ZNF416: variants seen among roughly 807,000 people sequenced by gnomAD.
The protein encoded by ZNF416 is zinc finger protein 416.
Under a neutral mutation model 10.9 loss-of-function variants are expected in ZNF416, and 5 were observed. The ratio of observed to expected loss-of-function variants is 0.46; its 90% CI spans 0.24 to 0.97. The LOEUF (loss-of-function observed/expected upper bound fraction) is 0.97. ZNF416 is among the 50% of genes least tolerant of loss of function. ZNF416 has a pLI of 0.19. For synonymous variants in ZNF416, 267 were observed against 251.8 expected (o/e 1.06, Z -0.57); for missense variants, 675 against 715.0 (o/e 0.94, Z 0.64).
chr19:57,575,966 T>G lies in ZNF416; in HGVS notation c.76-36A>C. The G allele has an allele frequency of 6.2e-7, 1 of 1,604,492 alleles. No homozygotes were observed. The highest frequency in any genetic ancestry group is 8.5e-7 in the Non-Finnish European group (1 of 1,174,540). Reference sequence around the variant, plus strand: ...GGGGATAGATCTTTCCATGATCAGATTCTCTCCTAGGACCCCAAGTTCATG... The same window carrying G: ...GGGGATAGATCTTTCCATGATCAGAGTCTCTCCTAGGACCCCAAGTTCATG... On this transcript the variant is annotated intron_variant, in intron 2 of 3. Transcript: ENST00000196489. This position sits in a 1 kb window ranked among gnomAD's most constrained non-coding sequence, Gnocchi z 4.4.
Position 57,575,716 on chromosome 19 carries a change from A to G in ZNF416, c.202+88T>C. On this transcript the variant is annotated intron_variant, in intron 3 of 3. Transcript: ENST00000196489. The surrounding 1 kb of genome is among the most constrained non-coding windows in gnomAD (Gnocchi z 4.4). Reference sequence around the variant, plus strand: ...CATACGCCAAGACAGTGGGGAAGTCAGCAAAGCCCACGGTCCGGCAGAGCT... The same window carrying G: ...CATACGCCAAGACAGTGGGGAAGTCGGCAAAGCCCACGGTCCGGCAGAGCT... 1.3e-6 allele frequency: 2 copies of G among 1,575,394 alleles called. No individual in the cohort carries two copies. The highest frequency in any genetic ancestry group is 1.7e-6 in the Non-Finnish European group (2 of 1,145,662).
chr19:57,578,632 GC>G, intron 1 of ZNF416, 39 bp downstream of exon 1: 1 of 1,518,600 alleles, frequency 6.6e-7, no homozygotes, highest in Non-Finnish European at 8.8e-7. Context: ...TGGATTTCCG[GC>G]GGAGAGGGCA....
In ZNF416 at chr19:57,575,751, G is replaced by C. The variant is rs1271303544; in HGVS notation, c.202+53C>G. On this transcript the variant is annotated intron_variant, in intron 3 of 3. Transcript: ENST00000196489. This position sits in a 1 kb window ranked among gnomAD's most constrained non-coding sequence, Gnocchi z 4.4. Reference sequence around the variant, plus strand: ...ACGGTCCGGCAGAGCTGCCTCTGAGGAAAAAGAGGATAGACGAAGACCAGG... The same window carrying C: ...ACGGTCCGGCAGAGCTGCCTCTGAGCAAAAAGAGGATAGACGAAGACCAGG... The C allele has an allele frequency of 6.2e-7, 1 of 1,612,520 alleles. No individual in the cohort carries two copies. The highest frequency in any genetic ancestry group is 1.3e-5 in the African/African-American group (1 of 74,882).
rs892757613 is a variant in ZNF416, at chr19:57,575,466, C to G, written c.202+338G>C. Among the ~76,000 whole-genome samples the G allele has an allele frequency of 6.6e-6, 1 of 152,104 alleles. No individual in the cohort carries two copies. Among genetic ancestry groups the G allele is most frequent in the Admixed American group, 6.5e-5 (1 of 15,276 alleles). On this transcript the variant is annotated intron_variant, in intron 3 of 3. Transcript: ENST00000196489. The surrounding 1 kb of genome is among the most constrained non-coding windows in gnomAD (Gnocchi z 4.4). ...ACTGATGAGGAAAATTCTGCAAATT[C>G]CTAACACAGGTAGTCAAAGGAAATG... is the stretch of plus-strand genomic sequence containing the variant.
rs769665166 is a variant in ZNF416, at chr19:57,572,618, T to C, written c.1286A>G (p.Gln429Arg). ...GGGCCTAGCTCCACTGTGAATTAAC[T>C]GGTGCTGAATGAGGCCACACTTTAG... is the stretch of plus-strand genomic sequence containing the variant. ...FSLKCGLIQH[Q>R]LIHSGARPFE... is the part of the protein sequence containing the mutation. Residue 429 changes from glutamine (Q) to arginine (R), a missense_variant, in exon 4 of 4, where the codon CAG becomes CGG. Physicochemically the swap from Gln to Arg is conservative, Grantham distance 43. Transcript: ENST00000196489. This position sits in a 1 kb window ranked among gnomAD's most constrained non-coding sequence, Gnocchi z 4.5. The C allele has an allele frequency of 3.1e-6, 5 of 1,614,188 alleles. No homozygotes were observed. The highest frequency in any genetic ancestry group is 4.2e-6 in the Non-Finnish European group (5 of 1,180,042).
rs1385618086 is a variant in ZNF416, at chr19:57,572,815, A to G, written c.1089T>C (p.Phe363=). The G allele has an allele frequency of 6.2e-7, 1 of 1,614,102 alleles. No homozygotes were observed. The highest frequency in any genetic ancestry group is 2.2e-5 in the East Asian group (1 of 44,878). Residue 363 remains phenylalanine, a synonymous_variant, in exon 4 of 4, where the codon TTT becomes TTC. Coordinates refer to ENST00000196489, the MANE Select transcript of ZNF416 (RefSeq NM_017879.3). This position sits in a 1 kb window ranked among gnomAD's most constrained non-coding sequence, Gnocchi z 4.5. ...GTCGAACAAGAGTGGATTTGGACCC[A>G]AAGGCTTTTCCACATTCATCACACT... ...PYECDECGKA[F]GSKSTLVRHQ...
Position 57,578,787 on chromosome 19 carries a change from C to G in ZNF416, c.-83G>C, listed in dbSNP as rs1978651826. The G allele has an allele frequency of 7.5e-7, 1 of 1,328,274 alleles. No homozygotes were observed. 82.3% of individuals were successfully genotyped at this position (1,328,274 alleles called of 1,614,324 possible). A position where few individuals can be genotyped will look rare whatever the true frequency, so the allele number is the denominator to read the frequency against. ...CACGGCTGCCACCAGCGCCAGCGAC[C>G]CACCGGCTGATGCGCAGCGGGGCGA... On this transcript the variant is annotated 5_prime_UTR_variant, in exon 1 of 4. Transcript: ENST00000196489.
At chr19:57,577,477 G>C (rs1407578885) in intron 2 of ZNF416, among the ~76,000 whole-genome samples, 2 of 152,000 alleles carry the variant, frequency 1.3e-5, no homozygotes, top group African/African-American at 2.4e-5. Flanking sequence ...TAAAAAAACT[G>C]ATCTAAAATC....
rs545727805 is a variant in ZNF416, at chr19:57,572,641, T to C, written c.1263A>G (p.Leu421=). ...ACTGGTGCTGAATGAGGCCACACTT[T>C]AGGCTAAATGATTTCCCACACTGGC... ...ECGQCGKSFS[L]KCGLIQHQLI... is the part of the protein sequence containing the mutation. Residue 421 remains leucine (L), a synonymous_variant, in exon 4 of 4, where the codon CTA becomes CTG. Coordinates refer to ENST00000196489, the MANE Select transcript of ZNF416 (RefSeq NM_017879.3). The surrounding 1 kb of genome is among the most constrained non-coding windows in gnomAD (Gnocchi z 4.5). 1.7e-5 allele frequency: 27 copies of C among 1,614,108 alleles called. No individual in the cohort carries two copies. The highest frequency in any genetic ancestry group is 2.2e-5 in the Non-Finnish European group (26 of 1,180,060).
rs369565795 is a variant in ZNF416, at chr19:57,578,719, A to C, written c.-15T>G. On this transcript the variant is annotated 5_prime_UTR_variant, in exon 1 of 4. Transcript: ENST00000196489. The stretch of plus-strand genomic sequence containing the variant: ...GCCGCCGCCATCGGATTGTGAGCGG[A>C]GCGGGGCCGGGAGCGGCGGGCGACC... The C allele has an allele frequency of 1.2e-3, 1,839 of 1,500,928 alleles. 4 individuals carry two copies. Among genetic ancestry groups the C allele is most frequent in the Non-Finnish European group, 1.3e-3 (1,422 of 1,121,798 alleles). The allele number at this position is 1,500,928 out of a possible 1,614,324, so 93.0% of individuals were successfully genotyped here.
rs529866915 is a variant in ZNF416, at chr19:57,578,862, G to A, written c.-158C>T. On this transcript the variant is annotated 5_prime_UTR_variant, in exon 1 of 4. Coordinates refer to ENST00000196489, the MANE Select transcript of ZNF416 (RefSeq NM_017879.3). ...GTTTCTAACTCAGGCGGCGTGGGCC[G>A]AGGTAGAGAACCACCAAAATTACCA... 3 of 670,114 alleles carry A rather than the reference G, an allele frequency of 4.5e-6. No individual in the cohort carries two copies. Among genetic ancestry groups the A allele is most frequent in the Non-Finnish European group, 4.5e-6 (2 of 445,408 alleles). 41.5% of individuals were successfully genotyped at this position (670,114 alleles called of 1,614,324 possible). A position where few individuals can be genotyped will look rare whatever the true frequency, so the allele number is the denominator to read the frequency against.
chr19:57,572,609 T>A lies in ZNF416; in HGVS notation c.1295A>T (p.His432Leu). 2 of 1,614,166 alleles carry A rather than the reference T, an allele frequency of 1.2e-6. No homozygotes were observed. Among genetic ancestry groups the A allele is most frequent in the Non-Finnish European group, 1.7e-6 (2 of 1,180,024 alleles). The part of the protein sequence containing the change: ...KCGLIQHQLI[H>L]SGARPFECDE... Reference sequence around the variant, plus strand: ...ACACTCAAAGGGCCTAGCTCCACTGTGAATTAACTGGTGCTGAATGAGGCC... The same window carrying A: ...ACACTCAAAGGGCCTAGCTCCACTGAGAATTAACTGGTGCTGAATGAGGCC... Residue 432 changes from histidine to leucine, a missense_variant, in exon 4 of 4, where the codon CAC (histidine) becomes CTC (leucine). Coordinates refer to ENST00000196489, the MANE Select transcript of ZNF416 (RefSeq NM_017879.3). The surrounding 1 kb of genome is among the most constrained non-coding windows in gnomAD (Gnocchi z 4.5).
Position 57,578,747 on chromosome 19 carries a change from G to A in ZNF416, c.-43C>T, listed in dbSNP as rs377531535. On this transcript the variant is annotated 5_prime_UTR_variant, in exon 1 of 4. Coordinates refer to ENST00000196489, the MANE Select transcript of ZNF416 (RefSeq NM_017879.3). ...GGGGCCGGGAGCGGCGGGCGACCCG[G>A]GGCGGGAACCCAGGCACGGCTGCCA... The A allele has an allele frequency of 8.5e-4, 1,218 of 1,439,894 alleles. 2 individuals are homozygous for A. The highest frequency in any genetic ancestry group is 1.1e-3 in the Non-Finnish European group (1,177 of 1,090,874). 89.2% of individuals were successfully genotyped at this position (1,439,894 alleles called of 1,614,324 possible).
Position 57,573,529 on chromosome 19 carries a change from C to G in ZNF416, c.375G>C (p.Gln125His). The change falls in exon 4 of 4, where the codon CAG (glutamine) becomes CAC (histidine). Residue 125 changes from glutamine (Q) to histidine (H), a missense_variant. Physicochemically the swap from Gln to His is conservative, Grantham distance 24 (BLOSUM62 0). Transcript: ENST00000196489. ...CACATGCCCCAGTCAAGTATAGTTC[C>G]TGCCCAGGCAAATCGGTCAGGTGCA... ...DILHLTDLPG[Q>H]ELYLTGACAV... 2 of 1,614,232 alleles carry G rather than the reference C, an allele frequency of 1.2e-6. No individual in the cohort carries two copies. Among genetic ancestry groups the G allele is most frequent in the Non-Finnish European group, 1.7e-6 (2 of 1,180,042 alleles).
In ZNF416 at chr19:57,578,092, C is replaced by T; in HGVS notation, c.40G>A (p.Val14Met). 1.2e-6 allele frequency: 2 copies of T among 1,614,216 alleles called. No individual in the cohort carries two copies. Among genetic ancestry groups the T allele is most frequent in the East Asian group, 2.2e-5 (1 of 44,876 alleles). Residue 14 changes from valine to methionine, a missense_variant, in exon 2 of 4, where the codon GTG becomes ATG. By Grantham distance (21) the Val-to-Met change is conservative. Transcript: ENST00000196489. ...AVLRDSTSVP[V>M]TAEAKLMGFT... is the part of the protein sequence containing the mutation. The stretch of plus-strand genomic sequence containing the variant: ...CCCATAAGTTTAGCTTCTGCAGTCA[C>T]GGGAACCTGCGGGAAGAGGAAGGCT...
At position 57,572,841 on chromosome 19, in the gene ZNF416, C is replaced by G. The variant is rs377060240; in HGVS notation, c.1063G>C (p.Glu355Gln). 1.2e-6 allele frequency: 2 copies of G among 1,613,980 alleles called. No homozygotes were observed. Among genetic ancestry groups the G allele is most frequent in the African/African-American group, 1.3e-5 (1 of 74,938 alleles). The change falls in exon 4 of 4, where the codon GAG becomes CAG. Residue 355 changes from glutamate (E) to glutamine (Q), a missense_variant. By Grantham distance (29) the Glu-to-Gln change is conservative. Coordinates refer to ENST00000196489, the MANE Select transcript of ZNF416 (RefSeq NM_017879.3). This position sits in a 1 kb window ranked among gnomAD's most constrained non-coding sequence, Gnocchi z 4.5. Reference protein sequence around the residue: ...CRIHTGERPYECDECGKAFGS... With the variant: ...CRIHTGERPYQCDECGKAFGS... ...AAGGCTTTTCCACATTCATCACACT[C>G]ATAAGGCCTTTCTCCAGTGTGAATT...
At chr19:57,574,094 C>G (rs893763359) in intron 3 of ZNF416, among the ~76,000 whole-genome samples, 6 of 152,108 alleles carry the variant, frequency 3.9e-5, no homozygotes, top group African/African-American at 1.4e-4. Context: ...CAGAGTGAGC[C>G]AACTCTTAAA....
rs781140438 is a variant in ZNF416, at chr19:57,572,286, G to A, written c.1618C>T (p.His540Tyr). 6.2e-7 allele frequency: 1 copy of A among 1,614,216 alleles called. No homozygotes were observed. The highest frequency in any genetic ancestry group is 1.1e-5 in the South Asian group (1 of 91,090). ...CTTTCTCCTGTGTGAACCACTTGGTGTTGAATGAGGCTAGACTTTTGGATA... is the reference window on the plus strand; with the variant it reads ...CTTTCTCCTGTGTGAACCACTTGGTATTGAATGAGGCTAGACTTTTGGATA... ...SFIQKSSLIQHQVVHTGERPY... is the reference protein window; with the variant it reads ...SFIQKSSLIQYQVVHTGERPY... Residue 540 changes from histidine (H) to tyrosine (Y), a missense_variant, in exon 4 of 4, where the codon CAC (histidine) becomes TAC (tyrosine). His to Tyr is a moderately conservative substitution (Grantham distance 83, BLOSUM62 2). Transcript: ENST00000196489. This position sits in a 1 kb window ranked among gnomAD's most constrained non-coding sequence, Gnocchi z 4.5.
intron 1 of ZNF416, 106 bp downstream of exon 1, chr19:57,578,566 C>G: frequency 7.6e-7 from 1 of 1,318,606 alleles, no homozygotes; most frequent in Non-Finnish European, 1.0e-6. Flanking sequence ...CCTCATAGTC[C>G]TGGACTCTAG....
Sources: allele counts gnomAD v4.1 joint callset (sites outside exome capture counted in the v4.1 genomes callset), GRCh38; gene constraint gnomAD v4.1.1; non-coding constraint Gnocchi (gnomAD v3.1); transcripts MANE v1.5; gene names NCBI Gene and HGNC (gene_info 2026-07-23, HGNC 2026-07-21).